Variants in GNA14 observed in about 807,000 individuals in gnomAD.
GNA14 encodes the protein guanine nucleotide-binding protein subunit alpha-14.
GNA14 carries 50 observed loss-of-function variants against 42.0 expected under a neutral mutation model. The observed-to-expected ratio is 1.19, with a 90% CI of 0.95 to 1.51. GNA14 has a LOEUF of 1.51. GNA14 is among the 40% of genes most tolerant of loss of function. The pLI is 0.00. For missense variants in GNA14, 473 were observed against 446.2 expected, an observed-to-expected ratio of 1.06 and a Z score of -0.54; for synonymous variants, 173 against 163.1, an observed-to-expected ratio of 1.06 and a Z score of -0.46.
chr9:77,454,568 G>A (rs1342847766), intron 2 of GNA14, among the ~76,000 whole-genome samples: 1 of 139,440 alleles, frequency 7.2e-6, no homozygotes, highest in African/African-American at 2.8e-5. Context: ...GTGGCAACTG[G>A]CCATCAGGAT....
At chr9:77,478,450 C>A (rs1157934062) in intron 2 of GNA14, among the ~76,000 whole-genome samples, 1 of 152,016 alleles carries the variant, frequency 6.6e-6, no homozygotes, top group Non-Finnish European at 1.5e-5. Context: ...GGGTTGGTTC[C>A]AAGTCTTTGC....
At chr9:77,471,763 AT>A (rs1836333765) in intron 2 of GNA14, among the ~76,000 whole-genome samples, 2 of 152,312 alleles carry the variant, frequency 1.3e-5, no homozygotes, top group African/African-American at 4.8e-5. Context: ...AGGATGAACT[AT>A]CCACACAGTC....
intron 1 of GNA14, among the ~76,000 whole-genome samples, chr9:77,645,832 G>A (rs1024089589): frequency 3.3e-5 from 5 of 152,054 alleles, no homozygotes; most frequent in Non-Finnish European, 7.3e-5. Context: ...TTCATACATT[G>A]ACACAAATCA....
intron 1 of GNA14, among the ~76,000 whole-genome samples, chr9:77,572,175 T>C (rs114712690): frequency 0.024 from 3,614 of 152,292 alleles, 61 homozygotes; most frequent in Middle Eastern, 0.068. Flanking sequence ...CAGTGGATGA[T>C]TTTTTGGCCT....
chr9:77,497,916 T>G (rs899982653), intron 2 of GNA14, among the ~76,000 whole-genome samples: 1 of 152,216 alleles, frequency 6.6e-6, no homozygotes, highest in African/African-American at 2.4e-5. Flanking sequence ...TTAGCATTAA[T>G]GCTTATATTG....
At chr9:77,586,717 G>A (rs1282345867) in intron 1 of GNA14, among the ~76,000 whole-genome samples, 3 of 152,194 alleles carry the variant, frequency 2.0e-5, no homozygotes, top group African/African-American at 7.2e-5. Context: ...GACCAGGTGT[G>A]TCATTTACAT....
chr9:77,424,934 C>T (rs905147569), intron 6 of GNA14, among the ~76,000 whole-genome samples: 8 of 152,126 alleles, frequency 5.3e-5, no homozygotes, highest in African/African-American at 1.7e-4. Flanking sequence ...CAGTGTCAAA[C>T]TTAAGGTTTG....
chr9:77,455,424 C>T (rs756546290), intron 2 of GNA14, among the ~76,000 whole-genome samples: 5 of 152,178 alleles, frequency 3.3e-5, no homozygotes, highest in Admixed American at 6.5e-5. Flanking sequence ...CTTTGTATAT[C>T]CCATAATCTA....
rs191616322 is a variant in GNA14 at position 77,634,731 on chromosome 9, A to T, written c.124+12939T>A. On this transcript the variant is annotated intron_variant, in intron 1 of 6. Coordinates refer to ENST00000341700, the MANE Select transcript of GNA14 (RefSeq NM_004297.4). ...ACCTTCTTAGACAATCACAAACAAA[A>T]AAGACTTTCAGCTACTGTAAGGAAT... is the stretch of plus-strand genomic sequence containing the variant. Among the ~76,000 whole-genome samples the T allele has an allele frequency of 1.1e-3, 161 of 152,300 alleles. 1 individual carries two copies. Among genetic ancestry groups the T allele is most frequent in the African/African-American group, 3.6e-3 (150 of 41,560 alleles).
At chr9:77,611,679 C>G (rs574635062) in intron 1 of GNA14, among the ~76,000 whole-genome samples, 3 of 152,194 alleles carry the variant, frequency 2.0e-5, no homozygotes, top group African/African-American at 7.2e-5. Context: ...TTTTCTTACA[C>G]GTATGATCAT....
intron 2 of GNA14, among the ~76,000 whole-genome samples, chr9:77,470,672 A>G (rs558881646): frequency 1.3e-5 from 2 of 152,334 alleles, no homozygotes; most frequent in South Asian, 2.1e-4. Context: ...CTGTTCTCAC[A>G]TAACTATGAA....
intron 1 of GNA14, among the ~76,000 whole-genome samples, chr9:77,608,713 G>A (rs965497087): frequency 5.7e-5 from 8 of 140,940 alleles, no homozygotes; most frequent in African/African-American, 2.1e-4. Flanking sequence ...TCCTGACAAT[G>A]TACGAAGCCC....
intron 1 of GNA14, among the ~76,000 whole-genome samples, chr9:77,542,707 G>T (rs1837675507): frequency 6.6e-6 from 1 of 152,214 alleles, no homozygotes; most frequent in Non-Finnish European, 1.5e-5. Flanking sequence ...CTGGCCTTCA[G>T]GTGGCTTGTG....
intron 1 of GNA14, among the ~76,000 whole-genome samples, chr9:77,552,045 C>T (rs982467525): frequency 6.3e-5 from 9 of 142,326 alleles, no homozygotes; most frequent in Non-Finnish European, 1.2e-4. Context: ...GAGGCTGAGG[C>T]AGGAGAATCA....
intron 2 of GNA14, among the ~76,000 whole-genome samples, chr9:77,502,351 C>CA (rs1765923162): frequency 6.6e-6 from 1 of 152,196 alleles, no homozygotes; most frequent in Admixed American, 6.5e-5. Flanking sequence ...TCCATTGACT[C>CA]AGACATTTTG....
In GNA14 at chr9:77,582,752, T is replaced by C. The variant is rs576510793; in HGVS notation, c.125-53499A>G. Among the ~76,000 whole-genome samples, 90 of 152,336 alleles carry C rather than the reference T, an allele frequency of 5.9e-4. 1 individual carries two copies. Among genetic ancestry groups the C allele is most frequent in the Middle Eastern group, 3.4e-3 (1 of 294 alleles). On this transcript the variant is annotated intron_variant, in intron 1 of 6. Transcript: ENST00000341700. ...ATAGCAGGCAATCACAGATACATTGTGCAACACCTCCTGTTGTTGCCTACG... is the reference window on the plus strand; with the variant it reads ...ATAGCAGGCAATCACAGATACATTGCGCAACACCTCCTGTTGTTGCCTACG...
intron 2 of GNA14, among the ~76,000 whole-genome samples, chr9:77,474,554 A>G (rs1390494522): frequency 6.6e-6 from 1 of 152,226 alleles, no homozygotes; most frequent in Non-Finnish European, 1.5e-5. Context: ...GGGTGAGACT[A>G]TAAAATCATG....
At chr9:77,576,403 A>G (rs1823128785) in intron 1 of GNA14, among the ~76,000 whole-genome samples, 1 of 152,246 alleles carries the variant, frequency 6.6e-6, no homozygotes, top group African/African-American at 2.4e-5. Flanking sequence ...CATCTAAAAA[A>G]TCGAAAGCAT....
At chr9:77,543,931 C>T (rs1035430580) in intron 1 of GNA14, among the ~76,000 whole-genome samples, 1 of 152,136 alleles carries the variant, frequency 6.6e-6, no homozygotes, top group African/African-American at 2.4e-5. Flanking sequence ...GGCTACAAGG[C>T]TAATTTTTAC....
Sources: gnomAD v4.1 joint callset for allele counts (sites outside exome capture counted in the v4.1 genomes callset) on GRCh38, gnomAD v4.1.1 for gene constraint, MANE v1.5 for transcripts, NCBI Gene and HGNC (gene_info 2026-07-23, HGNC 2026-07-21) for gene names.